Variants in PPFIBP1 observed in about 807,000 individuals in gnomAD.
PPFIBP1 encodes liprin-beta-1.
In PPFIBP1, 112 loss-of-function variants were observed where a neutral mutation model predicts 137.8. The ratio of observed to expected loss-of-function variants is 0.81; its 90% CI spans 0.70 to 0.95. The LOEUF is 0.95. PPFIBP1 is among the 40% of genes least tolerant of loss of function. The pLI, the probability that PPFIBP1 is intolerant of heterozygous loss-of-function variation, is 0.00. For missense variants in PPFIBP1, 1,083 were observed against 1,196.6 expected, an observed-to-expected ratio of 0.91 and a Z score of 1.40; for synonymous variants, 378 against 417.3, an observed-to-expected ratio of 0.91 and a Z score of 1.15.
At chr12:27,664,676 G>A (rs2059751719) in intron 12 of PPFIBP1, among the ~76,000 whole-genome samples, 2 of 150,680 alleles carry the variant, frequency 1.3e-5, no homozygotes, top group East Asian at 4.1e-4. Context: ...GAGTTGATGA[G>A]ATAGCATTCC....
At chr12:27,692,515 G>T in intron 28 of PPFIBP1, 76 bp from the exon 29 acceptor site, 1 of 1,354,462 alleles carries the variant, frequency 7.4e-7, no homozygotes, top group South Asian at 1.2e-5. Flanking sequence ...TTTCTTCTTA[G>T]ACTTTTGTTC....
At chr12:27,686,799 G>A (rs192518237) in intron 24 of PPFIBP1, among the ~76,000 whole-genome samples, 69 of 152,124 alleles carry the variant, frequency 4.5e-4, no homozygotes, top group African/African-American at 1.3e-3. Context: ...CTTTTTGGGC[G>A]GCTGAGGCCG....
chr12:27,605,224 A>G (rs1458444827), intron 2 of PPFIBP1, among the ~76,000 whole-genome samples: 1 of 152,254 alleles, frequency 6.6e-6, no homozygotes, highest in Non-Finnish European at 1.5e-5. Flanking sequence ...TGTAATGTGA[A>G]AACAACTTTA....
rs571247418 is a variant in PPFIBP1, at chr12:27,564,405, A to G, written c.-123-13747A>G. On this transcript the variant is annotated intron_variant, in intron 1 of 29. Transcript: ENST00000228425. Reference sequence around the variant, plus strand: ...AACATTCACATAGCTCCTTTCACAAAAATAAAATTCTCTGAGCCCTTTTCA... The same window carrying G: ...AACATTCACATAGCTCCTTTCACAAGAATAAAATTCTCTGAGCCCTTTTCA... Among the ~76,000 whole-genome samples, 12 of 152,332 alleles carry G rather than the reference A, an allele frequency of 7.9e-5. No individual in the cohort carries two copies. The South Asian group carries it at 2.1e-3, about 26-fold the overall frequency.
chr12:27,641,033 A>C (rs915330218), intron 4 of PPFIBP1, among the ~76,000 whole-genome samples: 16 of 152,316 alleles, frequency 1.1e-4, no homozygotes, highest in African/African-American at 3.8e-4. Context: ...TGAAATCAAG[A>C]CTGCGTGACA....
chr12:27,676,938 G>C, intron 18 of PPFIBP1, 126 bp from the exon 19 acceptor site: 1 of 1,206,998 alleles, frequency 8.3e-7, no homozygotes, highest in East Asian at 2.4e-5. Context: ...AGCACTGTGT[G>C]CCGCATGCCT....
intron 2 of PPFIBP1, chr12:27,593,602 CTT>C (rs2052804792): frequency 4.8e-6 from 2 of 420,508 alleles, no homozygotes; most frequent in East Asian, 1.1e-4. Context: ...TCTTCATTGT[CTT>C]TCAGATTTTC....
At chr12:27,655,574 T>G (rs2059148440) in intron 8 of PPFIBP1, among the ~76,000 whole-genome samples, 1 of 152,210 alleles carries the variant, frequency 6.6e-6, no homozygotes, top group South Asian at 2.1e-4. Context: ...TTTTCCTCTT[T>G]AGGGACTTTC....
chr12:27,576,503 TTCCTTCTGC>T (rs1199568013), intron 1 of PPFIBP1, among the ~76,000 whole-genome samples: 1 of 152,148 alleles, frequency 6.6e-6, no homozygotes. Flanking sequence ...GTAGGTGCCC[TTCCTTCTGC>T]TCATTACGTT....
chr12:27,659,444 C>T (rs1001828159), intron 10 of PPFIBP1, among the ~76,000 whole-genome samples: 1 of 72,354 alleles, frequency 1.4e-5, no homozygotes, highest in Non-Finnish European at 3.2e-5. Flanking sequence ...GATCCTGTCT[C>T]TACAAAAAAA....
chr12:27,586,861 T>A lies in PPFIBP1; in HGVS notation c.-36+8622T>A, dbSNP rs553980858. Reference sequence around the variant, plus strand: ...AAGAAAATGTCCAATTTGAAGAAATTCTTAGTATTGTAAGTGTCAGGCTGT... The same window carrying A: ...AAGAAAATGTCCAATTTGAAGAAATACTTAGTATTGTAAGTGTCAGGCTGT... On this transcript the variant is annotated intron_variant, in intron 2 of 29. Transcript: ENST00000228425. 7.2e-4 allele frequency among the ~76,000 whole-genome samples: 109 copies of A among 152,180 alleles called. 1 individual carries two copies. Among genetic ancestry groups the A allele is most frequent in the Middle Eastern group, 3.4e-3 (1 of 294 alleles).
chr12:27,573,123 T>G lies in PPFIBP1; in HGVS notation c.-123-5029T>G, dbSNP rs568485830. 1.5e-4 allele frequency among the ~76,000 whole-genome samples: 23 copies of G among 152,350 alleles called. 1 individual carries two copies. Among genetic ancestry groups the G allele is most frequent in the South Asian group, 8.3e-4 (4 of 4,828 alleles). On this transcript the variant is annotated intron_variant, in intron 1 of 29. Transcript: ENST00000228425. ...GCTTCTCAGCTAAGTTAGCTCTACT[T>G]GTCAAGGACTCTTCATCTACAATTT... is the stretch of plus-strand genomic sequence containing the variant.
At chr12:27,558,467 T>TACACAC (rs10677887) in intron 1 of PPFIBP1, among the ~76,000 whole-genome samples, 2,130 of 129,210 alleles carry the variant, frequency 0.016, 72 homozygotes, top group African/African-American at 0.054. Flanking sequence ...CAGTATGTTA[T>TACACAC]ACACACACAC....
chr12:27,598,815 A>G (rs1050751020), intron 2 of PPFIBP1, among the ~76,000 whole-genome samples: 1 of 152,158 alleles, frequency 6.6e-6, no homozygotes, highest in African/African-American at 2.4e-5. Flanking sequence ...AATACGGCTC[A>G]TGTTAATTTT....
intron 2 of PPFIBP1, chr12:27,592,452 A>G (rs1282816809): frequency 2.2e-6 from 2 of 905,218 alleles, no homozygotes; most frequent in East Asian, 2.7e-5. Flanking sequence ...AAGTTGAAAA[A>G]TCTGTCTATA....
chr12:27,563,645 C>T (rs930433990), intron 1 of PPFIBP1, among the ~76,000 whole-genome samples: 1 of 152,062 alleles, frequency 6.6e-6, no homozygotes, highest in Non-Finnish European at 1.5e-5. Flanking sequence ...ACCCCCACAG[C>T]CAGCAAGGAA....
intron 1 of PPFIBP1, among the ~76,000 whole-genome samples, chr12:27,531,643 T>C (rs1460360119): frequency 6.6e-5 from 10 of 152,000 alleles, no homozygotes; most frequent in Admixed American, 5.9e-4. Flanking sequence ...ATTCAGCACA[T>C]GGAAGATCTT....
intron 11 of PPFIBP1, among the ~76,000 whole-genome samples, chr12:27,663,578 C>T (rs1210628277): frequency 2.6e-5 from 4 of 152,162 alleles, no homozygotes; most frequent in Non-Finnish European, 4.4e-5. Context: ...TGGTGGCTCA[C>T]GCCTGTAATC....
chr12:27,564,267 T>G (rs1592498342), intron 1 of PPFIBP1, among the ~76,000 whole-genome samples: 1 of 152,218 alleles, frequency 6.6e-6, no homozygotes. Flanking sequence ...TGAGATAATA[T>G]ATACAGTCCT....
Sources: gnomAD v4.1 joint callset for allele counts (sites outside exome capture counted in the v4.1 genomes callset) on GRCh38, gnomAD v4.1.1 for gene constraint, MANE v1.5 for transcripts, NCBI Gene and HGNC (gene_info 2026-07-23, HGNC 2026-07-21) for gene names.